The following IL1RAPL2 variants were observed in gnomAD, a reference collection of about 807,000 sequenced individuals.
The protein encoded by IL1RAPL2 is X-linked interleukin-1 receptor accessory protein-like 2.
Under a neutral mutation model 44.1 loss-of-function variants are expected in IL1RAPL2, and 3 were observed. The ratio of observed to expected loss-of-function variants is 0.07; its 90% CI spans 0.03 to 0.18. The LOEUF is 0.18. IL1RAPL2 is among the 10% of genes least tolerant of loss of function. The probability of loss-of-function intolerance (pLI) is 1.00; values close to 1 mark genes in which losing one functional copy is unlikely to be tolerated. For synonymous variants in IL1RAPL2, 181 were observed against 178.8 expected, an observed-to-expected ratio of 1.01 and a Z score of -0.10; for missense variants, 391 against 496.4, an observed-to-expected ratio of 0.79 and a Z score of 2.02.
chrX:105,195,411 C>A, intron 2 of IL1RAPL2, 64 bp from the exon 3 acceptor site: 1 of 1,056,090 alleles, frequency 9.5e-7, no homozygotes, highest in Non-Finnish European at 1.3e-6. Context: ...GTGATGATTA[C>A]TGCTCACACT....
intron 2 of IL1RAPL2, among the ~76,000 whole-genome samples, chrX:105,183,470 G>A (rs1213111397): frequency 9.0e-6 from 1 of 111,593 alleles, no homozygotes; most frequent in Non-Finnish European, 1.9e-5. Flanking sequence ...TTCAGGCCCT[G>A]GGGAGCACAT....
chrX:104,749,016 G>A (rs1307450742), intron 2 of IL1RAPL2, among the ~76,000 whole-genome samples: 2 of 110,648 alleles, frequency 1.8e-5, no homozygotes, highest in East Asian at 5.8e-4. Context: ...TCTGATAAAT[G>A]GAAACAACAC....
At chrX:105,385,848 A>G (rs1219344243) in intron 5 of IL1RAPL2, among the ~76,000 whole-genome samples, 1 of 111,661 alleles carries the variant, frequency 9.0e-6, no homozygotes, top group Non-Finnish European at 1.9e-5. Flanking sequence ...CTCTTTGTCC[A>G]GAGTCTGCAG....
At chrX:105,687,406 A>C (rs1157758931) in intron 6 of IL1RAPL2, among the ~76,000 whole-genome samples, 1 of 111,445 alleles carries the variant, frequency 9.0e-6, no homozygotes, top group Non-Finnish European at 1.9e-5. Flanking sequence ...ATCACCACCG[A>C]TCCCGCAGAT....
At chrX:105,396,320 C>G (rs1569434596) in intron 5 of IL1RAPL2, among the ~76,000 whole-genome samples, 1 of 106,588 alleles carries the variant, frequency 9.4e-6, no homozygotes, top group Non-Finnish European at 1.9e-5. Context: ...CCCTTCCCTC[C>G]TTCCTTTTTT....
chrX:105,171,565 A>G (rs186299291), intron 2 of IL1RAPL2, among the ~76,000 whole-genome samples: 2 of 110,914 alleles, frequency 1.8e-5, no homozygotes, highest in Non-Finnish European at 3.8e-5. Flanking sequence ...TTGGAGGTCT[A>G]TGGAGGCAGT....
chrX:105,521,030 G>A (rs1289703434), intron 6 of IL1RAPL2, among the ~76,000 whole-genome samples: 1 of 97,066 alleles, frequency 1.0e-5, no homozygotes, highest in Non-Finnish European at 2.0e-5. Flanking sequence ...CACCTCCTTG[G>A]TTCACGCCAT....
intron 2 of IL1RAPL2, among the ~76,000 whole-genome samples, chrX:104,792,272 G>A (rs1006689945): frequency 9.0e-6 from 1 of 110,773 alleles, no homozygotes; most frequent in Non-Finnish European, 1.9e-5. Flanking sequence ...GGGGCACAAC[G>A]ATATTATGTG....
Position 105,457,115 on chromosome X carries a change from A to G in IL1RAPL2, c.698-27198A>G, listed in dbSNP as rs753089905. The stretch of plus-strand genomic sequence containing the variant: ...AAAGAGGCTAGAGCAGTTTCAATCT[A>G]CTTAAAAGAACTGGAACCACAGCCT... On this transcript the variant is annotated intron_variant, in intron 5 of 10. Coordinates refer to ENST00000372582, the MANE Select transcript of IL1RAPL2 (RefSeq NM_017416.2). Among the ~76,000 whole-genome samples the G allele has an allele frequency of 5.0e-4, 55 of 109,341 alleles. 1 individual carries two copies. Among genetic ancestry groups the G allele is most frequent in the Non-Finnish European group, 5.1e-4 (27 of 52,478 alleles). The allele number at this position is 109,341 out of a possible 115,157, so 94.9% of individuals were successfully genotyped here.
At chrX:105,172,978 A>C (rs1054046845) in intron 2 of IL1RAPL2, among the ~76,000 whole-genome samples, 1 of 110,924 alleles carries the variant, frequency 9.0e-6, no homozygotes, top group Non-Finnish European at 1.9e-5. Context: ...CGTAGGGATA[A>C]GATGATGGGC....
chrX:104,754,189 A>T (rs1001823818), intron 2 of IL1RAPL2, among the ~76,000 whole-genome samples: 1 of 111,251 alleles, frequency 9.0e-6, no homozygotes, highest in African/African-American at 3.3e-5. Context: ...CAGTCTTCCA[A>T]TGTTTCCAAG....
intron 2 of IL1RAPL2, among the ~76,000 whole-genome samples, chrX:104,868,295 T>G (rs979639117): frequency 2.7e-5 from 3 of 112,159 alleles, no homozygotes; most frequent in African/African-American, 9.7e-5. Flanking sequence ...GATATTGGAC[T>G]GCTCCCTCAT....
At chrX:104,735,977 T>A (rs766683467) in intron 2 of IL1RAPL2, among the ~76,000 whole-genome samples, 1 of 111,381 alleles carries the variant, frequency 9.0e-6, no homozygotes, top group South Asian at 3.8e-4. Flanking sequence ...CTCATACCAA[T>A]GTTTCCCATC....
At chrX:104,790,141 A>C (rs1194908390) in intron 2 of IL1RAPL2, among the ~76,000 whole-genome samples, 2 of 112,060 alleles carry the variant, frequency 1.8e-5, no homozygotes, top group Admixed American at 9.5e-5. Context: ...AATACAAAAA[A>C]ATTTTTGTTT....
intron 2 of IL1RAPL2, among the ~76,000 whole-genome samples, chrX:104,937,822 T>C (rs746778217): frequency 8.9e-6 from 1 of 112,821 alleles, no homozygotes; most frequent in Non-Finnish European, 1.9e-5. Flanking sequence ...TACATTTTTG[T>C]ATAAAAGTAA....
chrX:104,582,494 T>TTCTC (rs199968264), intron 1 of IL1RAPL2, among the ~76,000 whole-genome samples: 1 of 108,541 alleles, frequency 9.2e-6, no homozygotes, highest in Non-Finnish European at 1.9e-5. Flanking sequence ...GCTTTTTCTT[T>TTCTC]TCTCTCTCTC....
At chrX:105,134,735 G>A (rs557503161) in intron 2 of IL1RAPL2, among the ~76,000 whole-genome samples, 4 of 111,550 alleles carry the variant, frequency 3.6e-5, no homozygotes, top group Admixed American at 1.9e-4. Context: ...GCTTCCATTT[G>A]TTCTTCAGAA....
chrX:105,173,207 C>A (rs1481842021), intron 2 of IL1RAPL2, among the ~76,000 whole-genome samples: 1 of 111,593 alleles, frequency 9.0e-6, no homozygotes, highest in African/African-American at 3.3e-5. Context: ...TCTGGAATTT[C>A]ATGATAAGAC....
intron 7 of IL1RAPL2, among the ~76,000 whole-genome samples, chrX:105,729,907 AGGAAGGAAGGAAGGAG>A (rs1262582580): frequency 8.2e-5 from 6 of 73,582 alleles, no homozygotes; most frequent in Admixed American, 1.3e-4. Context: ...GAAGGAAGGA[AGGAAGGAAGGAAGGAG>A]GGAGGGAGGG....
Sources: gnomAD v4.1 joint callset for allele counts (sites outside exome capture counted in the v4.1 genomes callset) on GRCh38, gnomAD v4.1.1 for gene constraint, MANE v1.5 for transcripts, NCBI Gene and HGNC (gene_info 2026-07-23, HGNC 2026-07-21) for gene names.